Variants in STPG1 observed in about 807,000 individuals in gnomAD.
STPG1 encodes the protein sperm tail PG-rich repeat containing 1, also known as O(6)-methylguanine-induced apoptosis 2.
Under a neutral mutation model 40.1 loss-of-function variants are expected in STPG1, and 33 were observed. The ratio of observed to expected loss-of-function variants is 0.82; its 90% CI spans 0.62 to 1.10. The LOEUF (loss-of-function observed/expected upper bound fraction) is 1.10, where lower values mean the gene tolerates loss of function less well. Among genes scored for constraint, STPG1 ranks in the 50% least tolerant of loss-of-function variants. STPG1 has a pLI of 0.00. For missense variants in STPG1, 396 were observed against 415.1 expected (o/e 0.95, Z 0.40); for synonymous variants, 150 against 155.0 (o/e 0.97, Z 0.24).
At chr1:24,401,515 A>G in intron 1 of STPG1, 59 bp from the exon 2 acceptor site, 1 of 784,804 alleles carries the variant, frequency 1.3e-6, no homozygotes, top group Non-Finnish European at 2.2e-6. Context: ...ATTATTGCAA[A>G]TGGGTTCTGT....
At chr1:24,411,033 A>G (rs1382373136) in intron 1 of STPG1, among the ~76,000 whole-genome samples, 2 of 152,148 alleles carry the variant, frequency 1.3e-5, no homozygotes, top group Non-Finnish European at 2.9e-5. Context: ...CCTTCCTCTT[A>G]GGCTGATCCA....
chr1:24,401,551 TG>T (rs1038043931), intron 1 of STPG1, 95 bp from the exon 2 acceptor site: 68 of 647,030 alleles, frequency 1.1e-4, no homozygotes, highest in East Asian at 1.7e-4. Context: ...AACTGAGAAA[TG>T]GTGTGGGTGC....
In STPG1 at chr1:24,369,667, G is replaced by A; in HGVS notation, c.737+7C>T. ...TCAAAAGAAAGACCAGAATGATTGG[G>A]ACTCACGGGAAAAGAGTCTTTTTTG... On this transcript the variant is annotated splice_region_variant and intron_variant, in intron 7 of 8. Coordinates refer to ENST00000337248, the MANE Select transcript of STPG1 (RefSeq NM_001199013.2). The A allele has an allele frequency of 1.9e-6, 3 of 1,584,850 alleles. No homozygotes were observed. Among genetic ancestry groups the A allele is most frequent in the Non-Finnish European group, 2.6e-6 (3 of 1,163,058 alleles).
intron 1 of STPG1, among the ~76,000 whole-genome samples, chr1:24,409,714 T>C (rs934793114): frequency 2.6e-5 from 4 of 152,238 alleles, no homozygotes; most frequent in African/African-American, 4.8e-5. Context: ...ATCATCCTTG[T>C]CCAGCACATT....
chr1:24,369,035 T>C, intron 7 of STPG1: 1 of 189,818 alleles, frequency 5.3e-6, no homozygotes, highest in Non-Finnish European at 1.1e-5. Context: ...GAAAGCAAAA[T>C]CCTACGAGGC....
intron 1 of STPG1, among the ~76,000 whole-genome samples, chr1:24,412,710 A>T (rs547455552): frequency 6.6e-5 from 10 of 152,312 alleles, no homozygotes; most frequent in Admixed American, 2.0e-4. Context: ...TAATAATAAT[A>T]GTATTGAGAA....
At chr1:24,387,940 A>C (rs1451694834) in intron 3 of STPG1, among the ~76,000 whole-genome samples, 3 of 152,212 alleles carry the variant, frequency 2.0e-5, no homozygotes, top group Non-Finnish European at 4.4e-5. Context: ...TCAAGTTAAT[A>C]AGTGAACAAT....
intron 5 of STPG1, among the ~76,000 whole-genome samples, chr1:24,375,188 T>C (rs577328526): frequency 1.3e-5 from 2 of 152,234 alleles, no homozygotes; most frequent in South Asian, 2.1e-4. Flanking sequence ...CTAAAAATAA[T>C]AGGAAAAAAA....
At chr1:24,361,139 C>T (rs900044051) in intron 7 of STPG1, 98 bp from the exon 8 acceptor site, 2 of 1,154,330 alleles carry the variant, frequency 1.7e-6, no homozygotes, top group Non-Finnish European at 2.4e-6. Context: ...AGCAAGCTGT[C>T]TGGAAGAGGA....
intron 7 of STPG1, among the ~76,000 whole-genome samples, chr1:24,363,334 A>G (rs1641244784): frequency 6.6e-6 from 1 of 152,190 alleles, no homozygotes; most frequent in Admixed American, 6.5e-5. Flanking sequence ...AGCACCAGCC[A>G]TGTGTGGGAT....
At chr1:24,408,151 C>A in intron 1 of STPG1, among the ~76,000 whole-genome samples, 1 of 152,208 alleles carries the variant, frequency 6.6e-6, no homozygotes, top group East Asian at 1.9e-4. Context: ...CCCTTTCAAG[C>A]TTTTAAACTT....
At chr1:24,405,718 A>G (rs529106845) in intron 1 of STPG1, among the ~76,000 whole-genome samples, 1 of 152,154 alleles carries the variant, frequency 6.6e-6, no homozygotes, top group Non-Finnish European at 1.5e-5. Context: ...GTGCATGAAC[A>G]TTTATAATTT....
intron 1 of STPG1, among the ~76,000 whole-genome samples, chr1:24,409,791 C>T (rs918838470): frequency 2.0e-5 from 3 of 152,152 alleles, no homozygotes; most frequent in Admixed American, 6.5e-5. Context: ...TCCACCATCA[C>T]GTTGTCTCAG....
chr1:24,361,137 G>T, intron 7 of STPG1, 96 bp from the exon 8 acceptor site: 3 of 1,165,918 alleles, frequency 2.6e-6, no homozygotes, highest in Non-Finnish European at 2.4e-6. Flanking sequence ...GCAGCAAGCT[G>T]TCTGGAAGAG....
intron 1 of STPG1, among the ~76,000 whole-genome samples, chr1:24,412,499 T>A (rs1643738139): frequency 6.6e-6 from 1 of 152,186 alleles, no homozygotes; most frequent in African/African-American, 2.4e-5. Flanking sequence ...ATTACTTTAT[T>A]TGTTTATGAT....
chr1:24,393,292 G>A (rs1642858247), intron 2 of STPG1, among the ~76,000 whole-genome samples: 1 of 152,198 alleles, frequency 6.6e-6, no homozygotes, highest in Non-Finnish European at 1.5e-5. Flanking sequence ...CTGAATACGT[G>A]TTTAAGTAGA....
At position 24,378,328 on chromosome 1, in the gene STPG1, T is replaced by C. The variant is rs377560634; in HGVS notation, c.462+1325A>G. 6.4e-4 allele frequency among the ~76,000 whole-genome samples: 98 copies of C among 152,318 alleles called. 1 individual carries two copies. In the South Asian group the frequency reaches 0.016, roughly 25 times the overall value. ...TCATCTGTCCCTTTTTCTTTTTAGA[T>C]GTGGCTACTAGAAAATCTTAAATGA... On this transcript the variant is annotated intron_variant, in intron 5 of 8. Transcript: ENST00000337248.
At chr1:24,364,313 A>C (rs775916587) in intron 7 of STPG1, 32 of 1,549,746 alleles carry the variant, frequency 2.1e-5, no homozygotes, top group Non-Finnish European at 2.7e-5. Context: ...AGGGACCTGG[A>C]TTCAAATCCC....
At chr1:24,372,424 TC>T (rs1446640304) in intron 6 of STPG1, among the ~76,000 whole-genome samples, 2 of 152,096 alleles carry the variant, frequency 1.3e-5, no homozygotes, top group Non-Finnish European at 2.9e-5. Context: ...TACCCACACT[TC>T]CCCTCCTGTT....
Sources: gnomAD v4.1 joint callset for allele counts (sites outside exome capture counted in the v4.1 genomes callset) on GRCh38, gnomAD v4.1.1 for gene constraint, MANE v1.5 for transcripts, NCBI Gene and HGNC (gene_info 2026-07-23, HGNC 2026-07-21) for gene names.